SF3A1: variants seen among roughly 807,000 people sequenced by gnomAD.
SF3A1 encodes the protein splicing factor 3a subunit 1.
In SF3A1, 13 loss-of-function variants were observed where a neutral mutation model predicts 89.9. The ratio of observed to expected loss-of-function variants is 0.14; its 90% CI spans 0.09 to 0.23. SF3A1 has a LOEUF of 0.23. SF3A1 is among the 10% of genes least tolerant of loss of function. SF3A1 has a pLI of 1.00. For missense variants in SF3A1, 604 were observed against 1,022.1 expected, an observed-to-expected ratio of 0.59 and a Z score of 5.58; for synonymous variants, 405 against 374.4, an observed-to-expected ratio of 1.08 and a Z score of -0.94.
intron 9 of SF3A1, 31 bp from the exon 10 acceptor site, chr22:30,339,282 A>AACAC: frequency 6.2e-7 from 1 of 1,611,624 alleles, no homozygotes; most frequent in Non-Finnish European, 8.5e-7. Flanking sequence ...GGCAGAGGAT[A>AACAC]GAAAGAGAAA....
chr22:30,352,147 G>A (rs1931617926), intron 2 of SF3A1, among the ~76,000 whole-genome samples: 1 of 150,206 alleles, frequency 6.7e-6, no homozygotes, highest in Non-Finnish European at 1.5e-5. Flanking sequence ...TAGGAAGAGA[G>A]AGGATCTCTG....
At chr22:30,350,194 T>C (rs1294289385) in intron 2 of SF3A1, among the ~76,000 whole-genome samples, 1 of 151,796 alleles carries the variant, frequency 6.6e-6, no homozygotes, top group Non-Finnish European at 1.5e-5. Context: ...CGGTGGTCAC[T>C]GCCTGTAATC....
At chr22:30,354,065 T>C (rs1039290387) in intron 1 of SF3A1, among the ~76,000 whole-genome samples, 1 of 152,214 alleles carries the variant, frequency 6.6e-6, no homozygotes, top group African/African-American at 2.4e-5. Context: ...AATGCTCAAG[T>C]GTTTTGTGAA....
intron 14 of SF3A1, 50 bp from the exon 15 acceptor site, chr22:30,335,588 G>A: frequency 1.2e-6 from 2 of 1,612,174 alleles, no homozygotes; most frequent in South Asian, 1.1e-5. Flanking sequence ...GCCAGCTAGA[G>A]GAAGCTTTCC....
intron 13 of SF3A1, 78 bp from the exon 14 acceptor site, chr22:30,335,831 G>A (rs555101671): frequency 1.7e-6 from 2 of 1,189,922 alleles, no homozygotes; most frequent in African/African-American, 3.0e-5. Context: ...CCCTAGGCCT[G>A]TCCAGACAAT....
rs759294819 is a variant in SF3A1 at position 30,337,134 on chromosome 22, T to G, written c.1998A>C (p.Pro666=). 1.2e-6 allele frequency: 2 copies of G among 1,613,566 alleles called. No homozygotes were observed. The highest frequency in any genetic ancestry group is 3.3e-5 in the Admixed American group (2 of 59,966). The change falls in exon 13 of 16, where the codon CCA becomes CCC. Residue 666 remains proline, a synonymous_variant. Transcript: ENST00000215793. ...GAGGTGGGGGATGCACAGGGGGCAT[T>G]GGGGCTGGAGCTGGGACAGGTGCCA... ...PPVAPVPAPA[P]MPPVHPPPPM... is the part of the protein sequence containing the mutation.
At chr22:30,334,850 T>C (rs1351636186) in intron 15 of SF3A1, among the ~76,000 whole-genome samples, 155 bp from the exon 16 acceptor site, 1 of 152,152 alleles carries the variant, frequency 6.6e-6, no homozygotes, top group Non-Finnish European at 1.5e-5. Flanking sequence ...AGGCCTCTCA[T>C]TCCTCCCACT....
At chr22:30,353,579 A>C (rs963921542) in intron 1 of SF3A1, among the ~76,000 whole-genome samples, 21 of 152,232 alleles carry the variant, frequency 1.4e-4, no homozygotes, top group Non-Finnish European at 2.9e-4. Context: ...TGTATGAGAA[A>C]GCACTGTAAA....
intron 1 of SF3A1, among the ~76,000 whole-genome samples, chr22:30,354,027 C>T (rs1331241482): frequency 6.6e-6 from 1 of 152,224 alleles, no homozygotes; most frequent in Non-Finnish European, 1.5e-5. Context: ...CCCTCTCTGC[C>T]TCTACTCCAC....
At chr22:30,343,222 A>G (rs1931317468) in intron 4 of SF3A1, among the ~76,000 whole-genome samples, 1 of 152,134 alleles carries the variant, frequency 6.6e-6, no homozygotes, top group South Asian at 2.1e-4. Context: ...TCATCCTTTC[A>G]AAAACACTAC....
intron 4 of SF3A1, among the ~76,000 whole-genome samples, chr22:30,344,641 G>A (rs1471534107): frequency 6.6e-6 from 1 of 152,228 alleles, no homozygotes; most frequent in Non-Finnish European, 1.5e-5. Flanking sequence ...AAACGGAAAT[G>A]CACTTAAAAG....
Position 30,346,450 on chromosome 22 carries a change from G to A in SF3A1, c.255C>T (p.Asn85=), listed in dbSNP as rs199771354. The A allele has an allele frequency of 6.2e-7, 1 of 1,614,050 alleles. No homozygotes were observed. The highest frequency in any genetic ancestry group is 1.1e-5 in the South Asian group (1 of 91,070). Reference sequence around the variant, plus strand: ...AGTAGGCATGGTAAGGGTCATTGGGGTTCAGAAAGTTGAACTTGGGGTTGT... The same window carrying A: ...AGTAGGCATGGTAAGGGTCATTGGGATTCAGAAAGTTGAACTTGGGGTTGT... The part of the protein sequence containing the change: ...EINNPKFNFL[N]PNDPYHAYYR... The change falls in exon 3 of 16, where the codon AAC becomes AAT. Residue 85 remains asparagine (N), a synonymous_variant. Transcript: ENST00000215793.
chr22:30,350,799 A>C (rs1370955741), intron 2 of SF3A1, among the ~76,000 whole-genome samples: 2 of 152,212 alleles, frequency 1.3e-5, no homozygotes, highest in Non-Finnish European at 2.9e-5. Context: ...TCTGTTTTTA[A>C]AGTATCAGGG....
rs370114571 is a variant in SF3A1 at position 30,351,088 on chromosome 22, CAAG to C, written c.185+1860_185+1862del. On this transcript the variant is annotated intron_variant, in intron 2 of 15. Transcript: ENST00000215793. ...GGCCCAGGTCGGGGGATCATTAAGT[CAAG>C]AGACTGAGACCAGCCTGGCCAACAC... Among the ~76,000 whole-genome samples the C allele has an allele frequency of 2.9e-3, 448 of 152,310 alleles. 2 individuals are homozygous for C. Among genetic ancestry groups the C allele is most frequent in the African/African-American group, 0.01 (418 of 41,566 alleles).
Position 30,340,384 on chromosome 22 carries a change from A to G in SF3A1, c.1190-3T>C. Reference sequence around the variant, plus strand: ...GGCTGGAGGCAAGGGCTTGGAGGCTAAAAGGAAACAGATGTTTCAGTAAGA... The same window carrying G: ...GGCTGGAGGCAAGGGCTTGGAGGCTGAAAGGAAACAGATGTTTCAGTAAGA... On this transcript the variant is annotated splice_polypyrimidine_tract_variant and splice_region_variant and intron_variant, in intron 8 of 15. Coordinates refer to ENST00000215793, the MANE Select transcript of SF3A1 (RefSeq NM_005877.6). 1 of 1,611,036 alleles carries G rather than the reference A, an allele frequency of 6.2e-7. No individual in the cohort carries two copies. Among genetic ancestry groups the G allele is most frequent in the Non-Finnish European group, 8.5e-7 (1 of 1,179,222 alleles).
chr22:30,350,848 C>T (rs1931570534), intron 2 of SF3A1, among the ~76,000 whole-genome samples: 1 of 152,178 alleles, frequency 6.6e-6, no homozygotes, highest in Non-Finnish European at 1.5e-5. Context: ...AGCCATTAAA[C>T]ATTTATCTTA....
Position 30,332,216 on chromosome 22 carries a change from TAAAA to T in SF3A1, c.*2374_*2377del, listed in dbSNP as rs1930940056. The T allele has an allele frequency of 1.3e-5, 2 of 152,212 alleles. No homozygotes were observed. The allele number at this position is 152,212 out of a possible 1,614,324, so 9.4% of individuals were successfully genotyped here. On this transcript the variant is annotated 3_prime_UTR_variant, in exon 16 of 16. Transcript: ENST00000215793. Reference sequence around the variant, plus strand: ...TAATACAATATTATTAATTTTAAAGTAAAATGGTTCTGATCATTACTGGCCTCCT... The same window carrying T: ...TAATACAATATTATTAATTTTAAAGTTGGTTCTGATCATTACTGGCCTCCT...
chr22:30,340,195 C>A lies in SF3A1; in HGVS notation c.1375+1G>T. 6.6e-7 allele frequency: 1 copy of A among 1,523,794 alleles called. No individual in the cohort carries two copies. Among genetic ancestry groups the A allele is most frequent in the South Asian group, 1.3e-5 (1 of 78,688 alleles). The allele number at this position is 1,523,794 out of a possible 1,614,324, so 94.4% of individuals were successfully genotyped here. On this transcript the variant is annotated splice_donor_variant, in intron 9 of 15. Coordinates refer to ENST00000215793, the MANE Select transcript of SF3A1 (RefSeq NM_005877.6). LOFTEE classifies it high-confidence loss of function. ...GGGCTCTCCTGGAACCCCCACCTCA[C>A]CTGGTGCGTACACCTCATCATCGCT...
intron 4 of SF3A1, among the ~76,000 whole-genome samples, chr22:30,344,481 C>A (rs897586016): frequency 6.6e-6 from 1 of 152,170 alleles, no homozygotes; most frequent in African/African-American, 2.4e-5. Flanking sequence ...GCTGACAGAC[C>A]TTGAGTACGT....
Sources: allele counts gnomAD v4.1 joint callset (sites outside exome capture counted in the v4.1 genomes callset), GRCh38; gene constraint gnomAD v4.1.1; transcripts MANE v1.5; gene names NCBI Gene and HGNC (gene_info 2026-07-23, HGNC 2026-07-21).